The following NDUFA10 variants were observed in gnomAD, a reference collection of about 807,000 sequenced individuals.
The protein encoded by NDUFA10 is NADH:ubiquinone oxidoreductase subunit A10, also known as NADH dehydrogenase [ubiquinone] 1 alpha subcomplex subunit 10, mitochondrial.
A neutral mutation model predicts 47.8 loss-of-function variants in NDUFA10; 40 were observed. The ratio of observed to expected loss-of-function variants is 0.84; its 90% CI spans 0.65 to 1.09. The LOEUF (loss-of-function observed/expected upper bound fraction) is 1.09. Among genes scored for constraint, NDUFA10 ranks in the 50% least tolerant of loss-of-function variants. The pLI, the probability that NDUFA10 is intolerant of heterozygous loss-of-function variation, is 0.00. For missense variants in NDUFA10, 413 were observed against 451.1 expected (o/e 0.92, Z 0.76); for synonymous variants, 183 against 172.2 (o/e 1.06, Z -0.49).
At chr2:239,919,448 C>A (rs549712565) in intron 4 of NDUFA10, among the ~76,000 whole-genome samples, 20 of 152,106 alleles carry the variant, frequency 1.3e-4, no homozygotes, top group Non-Finnish European at 2.6e-4. Flanking sequence ...GGCATCCTCA[C>A]GGCTTTGTTC....
rs758543920 is a variant in NDUFA10 at position 239,997,127 on chromosome 2, G to A, written c.891-6945C>T. Among the ~76,000 whole-genome samples the A allele has an allele frequency of 9.2e-5, 14 of 151,512 alleles. No individual in the cohort carries two copies. In the East Asian group the frequency reaches 9.7e-4, roughly 10 times the overall value. ...CAAGGTTGGTTGAATCCAAGGATGC[G>A]GAACCCAGGGATACAAAGGGCTGAC... On this transcript the variant is annotated intron_variant, in intron 8 of 9. Transcript: ENST00000252711.
rs976828657 is a variant in NDUFA10 at position 239,959,545 on chromosome 2, G to A, written c.*1573C>T. 2 of 985,330 alleles carry A rather than the reference G, an allele frequency of 2.0e-6. No individual in the cohort carries two copies. The highest frequency in any genetic ancestry group is 4.7e-5 in the South Asian group (1 of 21,292). 61.0% of individuals were successfully genotyped at this position (985,330 alleles called of 1,614,324 possible). A position where few individuals can be genotyped will look rare whatever the true frequency, so the allele number is the denominator to read the frequency against. On this transcript the variant is annotated 3_prime_UTR_variant, in exon 10 of 10. Transcript: ENST00000252711. ...AAAGCTGTTGGTTTCCTAGTGAAAT[G>A]CAAAACTTCAGCCACTTAAATCTCG... is the stretch of plus-strand genomic sequence containing the variant.
rs1449238685 is a variant in NDUFA10, at chr2:240,019,541, G to A, written c.461-902C>T. The stretch of plus-strand genomic sequence containing the variant: ...ATGCTTTAAAAAGAACGTGGAGGCC[G>A]GGCGCGGTGGCTCACGCCTGTAATC... On this transcript the variant is annotated intron_variant, in intron 3 of 9. Coordinates refer to ENST00000252711, the MANE Select transcript of NDUFA10 (RefSeq NM_004544.4). Among the ~76,000 whole-genome samples, 9 of 99,462 alleles carry A rather than the reference G, an allele frequency of 9.0e-5. 4 individuals carry two copies. The highest frequency in any genetic ancestry group is 7.3e-4 in the Admixed American group (7 of 9,530). 65.3% of individuals were successfully genotyped at this position (99,462 alleles called of 152,430 possible).
chr2:240,017,314 T>C (rs1289806936), intron 4 of NDUFA10, among the ~76,000 whole-genome samples: 1 of 152,006 alleles, frequency 6.6e-6, no homozygotes, highest in Non-Finnish European at 1.5e-5. Context: ...GCCCTCACTA[T>C]AGGACACCAC....
At chr2:239,949,414 G>A (rs535178746) in intron 4 of NDUFA10, among the ~76,000 whole-genome samples, 96 of 152,312 alleles carry the variant, frequency 6.3e-4, no homozygotes, top group African/African-American at 2.2e-3. Context: ...GAAGGCAGGC[G>A]GCACTCCCCA....
At chr2:239,948,878 C>T (rs1040494157) in intron 4 of NDUFA10, among the ~76,000 whole-genome samples, 2 of 152,224 alleles carry the variant, frequency 1.3e-5, no homozygotes, top group Admixed American at 1.3e-4. Flanking sequence ...TTGCAGGGAA[C>T]AGTTCACACA....
At chr2:239,918,699 G>A (rs1693918122) in intron 4 of NDUFA10, among the ~76,000 whole-genome samples, 1 of 152,184 alleles carries the variant, frequency 6.6e-6, no homozygotes, top group Non-Finnish European at 1.5e-5. Context: ...TGTGGGTAGG[G>A]GTGGAGTTGG....
At chr2:239,975,945 A>G (rs546640738) in intron 9 of NDUFA10, among the ~76,000 whole-genome samples, 1 of 151,690 alleles carries the variant, frequency 6.6e-6, no homozygotes, top group African/African-American at 2.4e-5. Flanking sequence ...CTTAACCATC[A>G]CTCCACATCA....
intron 4 of NDUFA10, among the ~76,000 whole-genome samples, chr2:239,910,735 A>T (rs1031599433): frequency 5.9e-5 from 9 of 152,170 alleles, no homozygotes; most frequent in East Asian, 1.9e-4. Context: ...TGGAAGAAAA[A>T]AATAATAATC....
At position 240,017,385 on chromosome 2, in the gene NDUFA10, C is replaced by T. The variant is rs578076838; in HGVS notation, c.547+1168G>A. ...CCCCACACGTCCCTCACTCCCACTGCGCTACAGATGACAGGCCATTCATCA... is the reference window on the plus strand; with the variant it reads ...CCCCACACGTCCCTCACTCCCACTGTGCTACAGATGACAGGCCATTCATCA... On this transcript the variant is annotated intron_variant, in intron 4 of 9. Transcript: ENST00000252711. Among the ~76,000 whole-genome samples, 11 of 152,308 alleles carry T rather than the reference C, an allele frequency of 7.2e-5. No individual in the cohort carries two copies. The South Asian group carries it at 1.4e-3, about 20-fold the overall frequency.
rs1056071376 is a variant in NDUFA10 at position 239,959,709 on chromosome 2, AG to A, written c.*1408del. The A allele has an allele frequency of 7.4e-6, 6 of 810,114 alleles. No homozygotes were observed. Among genetic ancestry groups the A allele is most frequent in the Non-Finnish European group, 8.9e-6 (6 of 670,600 alleles). The allele number at this position is 810,114 out of a possible 1,614,324, so 50.2% of individuals were successfully genotyped here. A position where few individuals can be genotyped will look rare whatever the true frequency, so the allele number is the denominator to read the frequency against. The stretch of plus-strand genomic sequence containing the variant: ...GAAGGAGGGAAGGAAAGAGGCAGGG[AG>A]GAAAACAAGGACAGACGGAAGGAAG... On this transcript the variant is annotated 3_prime_UTR_variant, in exon 10 of 10. Coordinates refer to ENST00000252711, the MANE Select transcript of NDUFA10 (RefSeq NM_004544.4).
chr2:239,985,006 C>T (rs182603386), intron 9 of NDUFA10, among the ~76,000 whole-genome samples: 48 of 152,318 alleles, frequency 3.2e-4, no homozygotes, highest in African/African-American at 9.1e-4. Context: ...GCTTCCTGAG[C>T]GCTCTCAGGG....
chr2:239,996,431 T>C (rs1347189816), intron 8 of NDUFA10, among the ~76,000 whole-genome samples: 1 of 152,248 alleles, frequency 6.6e-6, no homozygotes, highest in Non-Finnish European at 1.5e-5. Flanking sequence ...AACACACTTC[T>C]AAATAACATG....
rs752139055 is a variant in NDUFA10 at position 239,959,007 on chromosome 2, C to T, written c.*2111G>A. ...ATGTACTGCTCTGAAATAAGGAAAT[C>T]GGGGCATCTCCTCACCTCTTCTTGA... On this transcript the variant is annotated 3_prime_UTR_variant, in exon 10 of 10. Coordinates refer to ENST00000252711, the MANE Select transcript of NDUFA10 (RefSeq NM_004544.4). 9.9e-5 allele frequency: 98 copies of T among 985,306 alleles called. No individual in the cohort carries two copies. Among genetic ancestry groups the T allele is most frequent in the Non-Finnish European group, 4.2e-5 (35 of 829,960 alleles). The allele number at this position is 985,306 out of a possible 1,614,324, so 61.0% of individuals were successfully genotyped here.
At chr2:239,902,255 T>C (rs979107044) in intron 4 of NDUFA10, among the ~76,000 whole-genome samples, 2 of 152,212 alleles carry the variant, frequency 1.3e-5, no homozygotes, top group Non-Finnish European at 2.9e-5. Context: ...TTCATTGTTG[T>C]CTTATTTTAA....
At chr2:239,904,633 C>A (rs957312976) in intron 4 of NDUFA10, among the ~76,000 whole-genome samples, 1 of 152,224 alleles carries the variant, frequency 6.6e-6, no homozygotes. Context: ...CTAGAGACTG[C>A]AGGCCCTGCC....
Position 239,987,588 on chromosome 2 carries a change from A to T in NDUFA10, c.999+2486T>A, listed in dbSNP as rs529864049. 6.6e-6 allele frequency among the ~76,000 whole-genome samples: 1 copy of T among 152,344 alleles called. No individual in the cohort carries two copies. Among genetic ancestry groups the T allele is most frequent in the Admixed American group, 6.5e-5 (1 of 15,310 alleles). ...TCCCAAACTACCCAAACTAAAAAAA[A>T]ACAAATAGGTAAAAATGATGATCAA... On this transcript the variant is annotated intron_variant, in intron 9 of 9. Transcript: ENST00000252711. The surrounding 1 kb of genome is among the most constrained non-coding windows in gnomAD (Gnocchi z 4.8).
At position 239,938,842 on chromosome 2, in the gene NDUFA10, G is replaced by A. The variant is rs117130231; in HGVS notation, c.295-43528C>T. 3.9e-4 allele frequency among the ~76,000 whole-genome samples: 59 copies of A among 150,034 alleles called. 1 individual carries two copies. The East Asian group carries it at 0.01, about 26-fold the overall frequency. On this transcript the variant is annotated intron_variant, in intron 4 of 5. Coordinates refer to the NDUFA10 transcript ENST00000419408. ...GCGAATGCACCATCCAGCGAGCATC[G>A]GTGCACAAGTGCATGAGCTGAGCAA...
At chr2:239,925,259 G>A (rs1031188973) in intron 4 of NDUFA10, among the ~76,000 whole-genome samples, 8 of 152,124 alleles carry the variant, frequency 5.3e-5, no homozygotes, top group Non-Finnish European at 1.5e-5. Context: ...AGAAAAATGT[G>A]GGAGGAATCA....
Sources: allele counts gnomAD v4.1 joint callset (sites outside exome capture counted in the v4.1 genomes callset), GRCh38; gene constraint gnomAD v4.1.1; non-coding constraint Gnocchi (gnomAD v3.1); transcripts MANE v1.5; gene names NCBI Gene and HGNC (gene_info 2026-07-23, HGNC 2026-07-21).